The following SLC9A9 variants were observed in gnomAD, a reference collection of about 807,000 sequenced individuals.
SLC9A9 encodes the protein solute carrier family 9 member A9.
In SLC9A9, 62 loss-of-function variants were observed where a neutral mutation model predicts 77.8. The ratio of observed to expected loss-of-function variants is 0.80; its 90% CI spans 0.65 to 0.98. The LOEUF (loss-of-function observed/expected upper bound fraction) is 0.98. Among genes scored for constraint, SLC9A9 ranks in the 50% least tolerant of loss-of-function variants. The probability of loss-of-function intolerance (pLI) is 0.00; values close to 1 mark genes in which losing one functional copy is unlikely to be tolerated. For missense variants in SLC9A9, 775 were observed against 774.9 expected, an observed-to-expected ratio of 1.00 and a Z score of 0.00; for synonymous variants, 320 against 283.5, an observed-to-expected ratio of 1.13 and a Z score of -1.29.
chr3:143,683,885 T>C (rs1192833272), intron 5 of SLC9A9, among the ~76,000 whole-genome samples: 1 of 152,060 alleles, frequency 6.6e-6, no homozygotes, highest in Non-Finnish European at 1.5e-5. Context: ...TGGAAATTCA[T>C]TATTATCATG....
chr3:143,378,160 C>A (rs111567316), intron 13 of SLC9A9, among the ~76,000 whole-genome samples: 1 of 152,176 alleles, frequency 6.6e-6, no homozygotes, highest in Non-Finnish European at 1.5e-5. Context: ...TTATCAGTGT[C>A]CCCCAATAGA....
intron 4 of SLC9A9, among the ~76,000 whole-genome samples, chr3:143,790,963 A>G (rs1015386587): frequency 6.6e-6 from 1 of 152,218 alleles, no homozygotes; most frequent in Non-Finnish European, 1.5e-5. Flanking sequence ...GAGTTCTTAG[A>G]ACAAAATGTA....
intron 2 of SLC9A9, among the ~76,000 whole-genome samples, chr3:143,800,021 T>C (rs1333824047): frequency 6.6e-6 from 1 of 152,102 alleles, no homozygotes. Context: ...TTTTTAGTTA[T>C]CCCCACCTGC....
intron 14 of SLC9A9, among the ~76,000 whole-genome samples, chr3:143,335,121 C>CA (rs1284009113): frequency 6.6e-6 from 1 of 152,024 alleles, no homozygotes; most frequent in African/African-American, 2.4e-5. Context: ...AAGATCAACA[C>CA]AAAAAATCAG....
intron 4 of SLC9A9, among the ~76,000 whole-genome samples, chr3:143,730,399 A>G (rs1182726448): frequency 6.6e-6 from 1 of 152,210 alleles, no homozygotes; most frequent in Non-Finnish European, 1.5e-5. Context: ...CATTTCTACA[A>G]GGCCTGCCTC....
At chr3:143,398,406 C>A (rs775584356) in intron 12 of SLC9A9, among the ~76,000 whole-genome samples, 1 of 151,970 alleles carries the variant, frequency 6.6e-6, no homozygotes, top group Non-Finnish European at 1.5e-5. Context: ...CACCATGAAG[C>A]GTGGAAGGCA....
At position 143,552,329 on chromosome 3, in the gene SLC9A9, GA is replaced by G. The variant is rs762241480; in HGVS notation, c.1089+32del. 55 of 1,512,386 alleles carry G rather than the reference GA, an allele frequency of 3.6e-5. No homozygotes were observed. In the African/African-American group the frequency reaches 6.9e-4, roughly 19 times the overall value. 93.7% of individuals were successfully genotyped at this position (1,512,386 alleles called of 1,614,324 possible). A position where few individuals can be genotyped will look rare whatever the true frequency, so the allele number is the denominator to read the frequency against. On this transcript the variant is annotated intron_variant, in intron 9 of 15. Transcript: ENST00000316549. ...CTACATAACCATTTCACTGAGAAAA[GA>G]GACCAAGTCTGTAGTAAATTTTTTC...
At chr3:143,779,774 G>A (rs2007813230) in intron 4 of SLC9A9, among the ~76,000 whole-genome samples, 1 of 152,216 alleles carries the variant, frequency 6.6e-6, no homozygotes, top group Non-Finnish European at 1.5e-5. Flanking sequence ...AACACATTGT[G>A]AAGAGGGCAA....
chr3:143,389,876 G>A (rs1268255096), intron 12 of SLC9A9, among the ~76,000 whole-genome samples: 1 of 152,012 alleles, frequency 6.6e-6, no homozygotes, highest in Non-Finnish European at 1.5e-5. Context: ...AGAGGGAGAA[G>A]GAAGAAAGGG....
intron 13 of SLC9A9, among the ~76,000 whole-genome samples, chr3:143,376,731 C>T (rs2033188080): frequency 6.6e-6 from 1 of 152,072 alleles, no homozygotes; most frequent in Non-Finnish European, 1.5e-5. Context: ...AATCTAAAAG[C>T]CATAAGTAAG....
At chr3:143,718,010 A>C (rs1211493920) in intron 4 of SLC9A9, among the ~76,000 whole-genome samples, 5 of 152,226 alleles carry the variant, frequency 3.3e-5, no homozygotes, top group South Asian at 4.1e-4. Context: ...AACATGTTCA[A>C]CAACAACTGA....
intron 14 of SLC9A9, among the ~76,000 whole-genome samples, chr3:143,361,334 T>C (rs2032747924): frequency 6.6e-6 from 1 of 152,208 alleles, no homozygotes; most frequent in South Asian, 2.1e-4. Context: ...CTTGTGACAA[T>C]TTCTTTTTGG....
At chr3:143,349,943 G>A (rs552260891) in intron 14 of SLC9A9, among the ~76,000 whole-genome samples, 28 of 152,266 alleles carry the variant, frequency 1.8e-4, no homozygotes, top group African/African-American at 6.5e-4. Context: ...CTCCATCCGC[G>A]AGGCAAGGCT....
At chr3:143,648,000 A>G (rs573920825) in intron 6 of SLC9A9, among the ~76,000 whole-genome samples, 81 of 152,326 alleles carry the variant, frequency 5.3e-4, no homozygotes, top group Non-Finnish European at 6.6e-4. Context: ...TATCTTTAGT[A>G]ATTTTAATAA....
At chr3:143,569,806 G>GT (rs1202019056) in intron 8 of SLC9A9, among the ~76,000 whole-genome samples, 37 of 143,632 alleles carry the variant, frequency 2.6e-4, no homozygotes, top group African/African-American at 9.0e-4. Flanking sequence ...TTCTTTTATT[G>GT]TTTTTTTCTT....
intron 12 of SLC9A9, among the ~76,000 whole-genome samples, chr3:143,436,127 A>C (rs1006247940): frequency 1.3e-5 from 2 of 152,098 alleles, no homozygotes; most frequent in Non-Finnish European, 2.9e-5. Flanking sequence ...CAGCCCTCAC[A>C]GTACCTGTCC....
chr3:143,692,397 C>G (rs761973957), intron 5 of SLC9A9, among the ~76,000 whole-genome samples: 1 of 152,088 alleles, frequency 6.6e-6, no homozygotes, highest in Non-Finnish European at 1.5e-5. Context: ...AATGGCAATA[C>G]TCATTTTTCA....
At chr3:143,556,440 C>A (rs144791470) in intron 8 of SLC9A9, among the ~76,000 whole-genome samples, 2 of 152,288 alleles carry the variant, frequency 1.3e-5, no homozygotes, top group African/African-American at 4.8e-5. Flanking sequence ...TGACTAGAAC[C>A]CAGTGGAGGA....
intron 6 of SLC9A9, among the ~76,000 whole-genome samples, 189 bp from the exon 7 acceptor site, chr3:143,578,912 C>A (rs554592007): frequency 2.6e-4 from 39 of 152,252 alleles, no homozygotes; most frequent in Non-Finnish European, 5.9e-5. Context: ...CTTATAGCCC[C>A]ATCCCATGGG....
Sources: allele counts gnomAD v4.1 joint callset (sites outside exome capture counted in the v4.1 genomes callset), GRCh38; gene constraint gnomAD v4.1.1; transcripts MANE v1.5; gene names NCBI Gene and HGNC (gene_info 2026-07-23, HGNC 2026-07-21).